Variants in TMEM39B observed in about 807,000 individuals in gnomAD.
The protein encoded by TMEM39B is transmembrane protein 39B.
A neutral mutation model predicts 52.2 loss-of-function variants in TMEM39B; 23 were observed. The observed-to-expected ratio is 0.44, with a 90% CI of 0.32 to 0.62. The LOEUF (loss-of-function observed/expected upper bound fraction) is 0.62. TMEM39B is among the 20% of genes least tolerant of loss of function. The probability of loss-of-function intolerance (pLI) is 0.06; values close to 1 mark genes in which losing one functional copy is unlikely to be tolerated. For missense variants in TMEM39B, 547 were observed against 642.0 expected, an observed-to-expected ratio of 0.85 and a Z score of 1.60; for synonymous variants, 285 against 264.0, an observed-to-expected ratio of 1.08 and a Z score of -0.77.
intron 7 of TMEM39B, among the ~76,000 whole-genome samples, chr1:32,099,330 T>G (rs11586898): frequency 1.4e-4 from 20 of 139,478 alleles, no homozygotes; most frequent in African/African-American, 3.0e-4. Flanking sequence ...TGGGGTGGGG[T>G]GGGGGAGGGA....
At chr1:32,090,038 GA>G (rs1640539235) in intron 5 of TMEM39B, among the ~76,000 whole-genome samples, 1 of 151,438 alleles carries the variant, frequency 6.6e-6, no homozygotes, top group African/African-American at 2.4e-5. Flanking sequence ...CAAAAAAAAA[GA>G]AAAGAAATGT....
At chr1:32,077,086 C>A in intron 4 of TMEM39B, 78 bp from the exon 5 acceptor site, 1 of 1,577,500 alleles carries the variant, frequency 6.3e-7, no homozygotes. Flanking sequence ...GATCACAGGT[C>A]ATGCTGGGTG....
At chr1:32,073,341 G>A (rs1342673902) in intron 1 of TMEM39B, 2 of 460,878 alleles carry the variant, frequency 4.3e-6, no homozygotes, top group Non-Finnish European at 7.2e-6. Context: ...ACTTACCAGT[G>A]GGCGTGGCTT....
intron 1 of TMEM39B, 165 bp downstream of exon 1, chr1:32,073,216 G>A (rs1639709252): frequency 1.1e-6 from 1 of 924,714 alleles, no homozygotes; most frequent in South Asian, 2.1e-5. Flanking sequence ...TGCGGGGTGG[G>A]GCCTCTGTTG....
In TMEM39B at chr1:32,102,517, G is replaced by A. The variant is rs1641055657; in HGVS notation, c.1323G>A (p.Met441Ile). The change falls in exon 9 of 9, where the codon ATG becomes ATA. Residue 441 changes from methionine (M) to isoleucine (I), a missense_variant. Met to Ile is a conservative substitution (Grantham distance 10, BLOSUM62 1). Transcript: ENST00000336294. ...TTGTCTATCAGCTGTACTCCCTAAT[G>A]TCCTCTGAAAAGTGGCACCAGACCA... ...AVIVYQLYSL[M>I]SSEKWHQTIS... The A allele has an allele frequency of 1.2e-6, 2 of 1,614,136 alleles. No individual in the cohort carries two copies. Among genetic ancestry groups the A allele is most frequent in the South Asian group, 1.1e-5 (1 of 91,086 alleles).
intron 3 of TMEM39B, 182 bp downstream of exon 3, chr1:32,076,004 G>GTGC: frequency 2.1e-6 from 1 of 474,142 alleles, no homozygotes; most frequent in Non-Finnish European, 3.8e-6. Flanking sequence ...AATACTCCTA[G>GTGC]TGTGTTTAGT....
At chr1:32,079,990 G>A (rs952430282) in intron 5 of TMEM39B, among the ~76,000 whole-genome samples, 1 of 151,668 alleles carries the variant, frequency 6.6e-6, no homozygotes, top group Non-Finnish European at 1.5e-5. Context: ...GCTGGTCTCA[G>A]GTGATCCGCC....
chr1:32,100,736 T>C (rs1261896054), intron 8 of TMEM39B, 174 bp downstream of exon 8: 1 of 876,692 alleles, frequency 1.1e-6, no homozygotes, highest in Non-Finnish European at 1.7e-6. Context: ...ACTTAATAAC[T>C]GCAGCTCGGC....
At chr1:32,097,146 G>C (rs1024249679) in intron 7 of TMEM39B, among the ~76,000 whole-genome samples, 1 of 151,934 alleles carries the variant, frequency 6.6e-6, no homozygotes, top group East Asian at 1.9e-4. Context: ...TTTGATAAAG[G>C]TATATATACT....
At chr1:32,075,170 T>G (rs1639801529) in intron 2 of TMEM39B, 93 bp downstream of exon 2, 3 of 1,455,818 alleles carry the variant, frequency 2.1e-6, no homozygotes, top group Non-Finnish European at 2.7e-6. Flanking sequence ...TGTGAAATCC[T>G]AGATGCCAGT....
Position 32,077,258 on chromosome 1 carries a change from G to C in TMEM39B, c.530G>C (p.Arg177Pro). 2 of 1,614,094 alleles carry C rather than the reference G, an allele frequency of 1.2e-6. No homozygotes were observed. Among genetic ancestry groups the C allele is most frequent in the Non-Finnish European group, 1.7e-6 (2 of 1,180,012 alleles). The change falls in exon 5 of 9, where the codon CGA becomes CCA. Residue 177 changes from arginine (R) to proline (P), a missense_variant. Transcript: ENST00000336294. ...VLTATGWSLC[R>P]SLIHLFRTYS... The stretch of plus-strand genomic sequence containing the variant: ...ACGGCAACAGGCTGGAGTCTGTGCC[G>C]ATCCCTCATCCACCTCTTCAGGACC...
Position 32,077,301 on chromosome 1 carries a change from C to T in TMEM39B, c.573C>T (p.Leu191=), listed in dbSNP as rs1431743369. The part of the protein sequence containing the change: ...HLFRTYSFLN[L]LFLCYPFGMY... ...TCAGGACCTACTCCTTCCTGAACCT[C>T]CTGTTCCTCTGCTATCCGTGAGTAC... Residue 191 remains leucine (L), a synonymous_variant, in exon 5 of 9, where the codon CTC becomes CTT. Transcript: ENST00000336294. 2.5e-6 allele frequency: 4 copies of T among 1,614,092 alleles called. No homozygotes were observed. The highest frequency in any genetic ancestry group is 3.4e-6 in the Non-Finnish European group (4 of 1,180,044).
chr1:32,098,059 C>T (rs758085418), intron 7 of TMEM39B, among the ~76,000 whole-genome samples: 3 of 151,644 alleles, frequency 2.0e-5, no homozygotes, highest in African/African-American at 7.3e-5. Flanking sequence ...TGCAGTGCTG[C>T]GATCTTGGCT....
Position 32,090,363 on chromosome 1 carries a change from C to T in TMEM39B, c.591-1312C>T, listed in dbSNP as rs147650896. On this transcript the variant is annotated intron_variant, in intron 5 of 8. Transcript: ENST00000336294. ...TTCAGTGCCTGGTACGTAATAAACA[C>T]ATACATATTTGTTCCTGAACCGCCC... Among the ~76,000 whole-genome samples, 305 of 152,262 alleles carry T rather than the reference C, an allele frequency of 2.0e-3. 1 individual carries two copies. Among genetic ancestry groups the T allele is most frequent in the African/African-American group, 7.0e-3 (290 of 41,562 alleles).
intron 4 of TMEM39B, 77 bp downstream of exon 4, chr1:32,076,923 G>A (rs1483003295): frequency 4.0e-6 from 6 of 1,513,514 alleles, no homozygotes; most frequent in Non-Finnish European, 5.5e-6. Flanking sequence ...AACATGCCCA[G>A]CCCTTCAGCC....
Position 32,094,914 on chromosome 1 carries a change from A to T in TMEM39B, c.1058A>T (p.His353Leu), listed in dbSNP as rs1403993229. ...YCDLLHKAAA[H>L]LGCWQKVDPA... ...GACCTGCTGCACAAGGCCGCCGCCCATCTGGGCTGTTGGCAGAAGGTGGAC... is the reference window on the plus strand; with the variant it reads ...GACCTGCTGCACAAGGCCGCCGCCCTTCTGGGCTGTTGGCAGAAGGTGGAC... The change falls in exon 7 of 9, where the codon CAT (histidine) becomes CTT (leucine). Residue 353 changes from histidine (H) to leucine (L), a missense_variant. Transcript: ENST00000336294. The T allele has an allele frequency of 6.2e-7, 1 of 1,613,970 alleles. No individual in the cohort carries two copies.
At position 32,091,801 on chromosome 1, in the gene TMEM39B, C is replaced by T. The variant is rs1640616918; in HGVS notation, c.717C>T (p.Leu239=). ...VSGLAKSRDY[L]LTLRETWKQH... ...GCCTGGCAAAGAGCCGGGACTACCT[C>T]CTGACACTGCGGGAGACGTGGAAGC... Residue 239 remains leucine, a synonymous_variant, in exon 6 of 9, where the codon CTC becomes CTT. Transcript: ENST00000336294. The T allele has an allele frequency of 3.1e-6, 5 of 1,614,244 alleles. No homozygotes were observed. Among genetic ancestry groups the T allele is most frequent in the African/African-American group, 2.7e-5 (2 of 75,078 alleles).
At chr1:32,093,740 G>A (rs995383317) in intron 6 of TMEM39B, among the ~76,000 whole-genome samples, 1 of 151,420 alleles carries the variant, frequency 6.6e-6, no homozygotes. Context: ...CCTGTAACAC[G>A]CCTGGAGCTT....
At chr1:32,088,372 T>G (rs563728212) in intron 5 of TMEM39B, among the ~76,000 whole-genome samples, 2 of 151,836 alleles carry the variant, frequency 1.3e-5, no homozygotes, top group South Asian at 4.2e-4. Context: ...AGCCAAGGTC[T>G]CGCCACTGCC....
Sources: gnomAD v4.1 joint callset for allele counts (sites outside exome capture counted in the v4.1 genomes callset) on GRCh38, gnomAD v4.1.1 for gene constraint, MANE v1.5 for transcripts, NCBI Gene and HGNC (gene_info 2026-07-23, HGNC 2026-07-21) for gene names.